Variants in LRGUK observed in about 807,000 individuals in gnomAD.
LRGUK encodes the protein leucine rich repeats and guanylate kinase domain containing, also known as leucine-rich repeat and guanylate kinase domain-containing protein.
A neutral mutation model predicts 76.0 loss-of-function variants in LRGUK; 65 were observed. That is an observed-to-expected ratio of 0.85 (90% CI 0.70 to 1.05). The LOEUF is 1.05. Ranked by LOEUF, LRGUK falls within the 50% of genes least tolerant of loss-of-function variation. LRGUK has a pLI of 0.00. For missense variants in LRGUK, 758 were observed against 732.8 expected (o/e 1.03, Z -0.40); for synonymous variants, 268 against 265.6 (o/e 1.01, Z -0.09).
intron 5 of LRGUK, among the ~76,000 whole-genome samples, chr7:134,149,975 A>G (rs1184644197): frequency 6.6e-6 from 1 of 152,182 alleles, no homozygotes; most frequent in Non-Finnish European, 1.5e-5. Context: ...TTAAAGCTTA[A>G]GAAACACTGG....
chr7:134,130,664 T>G (rs1173905022), intron 1 of LRGUK, among the ~76,000 whole-genome samples: 1 of 152,258 alleles, frequency 6.6e-6, no homozygotes, highest in African/African-American at 2.4e-5. Context: ...CTCAGTTTAT[T>G]ATTCCCAGTT....
intron 5 of LRGUK, among the ~76,000 whole-genome samples, chr7:134,155,836 A>G (rs1585453097): frequency 6.6e-6 from 1 of 152,218 alleles, no homozygotes; most frequent in Non-Finnish European, 1.5e-5. Context: ...ACAAATAATT[A>G]TGGAGGCAAA....
chr7:134,193,824 C>A (rs1800362464), intron 12 of LRGUK, among the ~76,000 whole-genome samples: 1 of 152,096 alleles, frequency 6.6e-6, no homozygotes, highest in Non-Finnish European at 1.5e-5. Context: ...GCCCGCCATC[C>A]TCCATTACAG....
downstream of LRGUK, among the ~76,000 whole-genome samples, chr7:134,211,600 C>T (rs1398914309): frequency 6.6e-6 from 1 of 152,182 alleles, no homozygotes; most frequent in East Asian, 1.9e-4. Flanking sequence ...CTTACTTTTG[C>T]TTGAAATGTA....
intron 10 of LRGUK, among the ~76,000 whole-genome samples, chr7:134,179,125 C>A (rs1799629876): frequency 6.6e-6 from 1 of 152,066 alleles, no homozygotes; most frequent in Non-Finnish European, 1.5e-5. Context: ...GGAAGCCCAG[C>A]TAGCCTAAGG....
chr7:134,241,293 G>A (rs1225260153), intron 16 of LRGUK, among the ~76,000 whole-genome samples: 1 of 152,160 alleles, frequency 6.6e-6, no homozygotes, highest in Non-Finnish European at 1.5e-5. Context: ...TCCGTGTGCT[G>A]TATTCAGGAG....
intron 15 of LRGUK, among the ~76,000 whole-genome samples, chr7:134,202,312 C>T (rs1056930512): frequency 8.6e-6 from 1 of 115,920 alleles, no homozygotes; most frequent in Admixed American, 1.1e-4. Context: ...ACTATAAAAA[C>T]AAAATTAAAA....
chr7:134,222,503 AT>A (rs1284417878), intron 16 of LRGUK, among the ~76,000 whole-genome samples: 2 of 152,174 alleles, frequency 1.3e-5, no homozygotes, highest in Admixed American at 1.3e-4. Flanking sequence ...AAGAGACTTA[AT>A]TGCAATTGCA....
rs71172442 is a variant in LRGUK at position 134,199,982 on chromosome 7, TTATATATATATATATATATATATA to T, written c.1747+585_1747+608del. Among the ~76,000 whole-genome samples, 58 of 38,414 alleles carry T rather than the reference TTATATATATATATATATATATATA, an allele frequency of 1.5e-3. 2 individuals carry two copies. Among genetic ancestry groups the T allele is most frequent in the African/African-American group, 4.2e-3 (44 of 10,392 alleles). 25.2% of individuals were successfully genotyped at this position (38,414 alleles called of 152,430 possible). A position where few individuals can be genotyped will look rare whatever the true frequency, so the allele number is the denominator to read the frequency against. On this transcript the variant is annotated intron_variant, in intron 14 of 15. Coordinates refer to ENST00000645682, the Ensembl canonical transcript of LRGUK. ...TTCTATAGATATATTCTAGAAACTT[TTATATATATATATATATATATATA>T]TATATATATATATATATATATATGT...
chr7:134,138,979 T>G (rs544950223), intron 2 of LRGUK, among the ~76,000 whole-genome samples: 1 of 147,850 alleles, frequency 6.8e-6, no homozygotes, highest in Non-Finnish European at 1.5e-5. Context: ...GAAAGAGCTT[T>G]GAAAATGAAA....
chr7:134,182,979 C>T (rs754151035), intron 10 of LRGUK, among the ~76,000 whole-genome samples: 4 of 152,186 alleles, frequency 2.6e-5, no homozygotes, highest in Non-Finnish European at 4.4e-5. Context: ...AGGCTGGTTT[C>T]GAACTCCTCA....
At chr7:134,197,232 G>A (rs1351250189) in intron 13 of LRGUK, 127 bp downstream of exon 13, 1 of 582,680 alleles carries the variant, frequency 1.7e-6, no homozygotes, top group Non-Finnish European at 3.0e-6. Flanking sequence ...TACATATATG[G>A]GGTACATGCG....
At chr7:134,221,968 TC>T in intron 16 of LRGUK, 50 bp downstream of exon 16, 1 of 1,437,204 alleles carries the variant, frequency 7.0e-7, no homozygotes, top group Non-Finnish European at 9.2e-7. Flanking sequence ...CTATACAATG[TC>T]AGACAAAGAG....
chr7:134,224,325 AGAAG>A (rs1801679260), intron 16 of LRGUK, among the ~76,000 whole-genome samples: 1 of 152,240 alleles, frequency 6.6e-6, no homozygotes, highest in Admixed American at 6.5e-5. Context: ...ACTGATAGGC[AGAAG>A]CACATGCCAT....
chr7:134,157,553 T>C (rs777158419), intron 5 of LRGUK, among the ~76,000 whole-genome samples: 1 of 152,232 alleles, frequency 6.6e-6, no homozygotes, highest in Non-Finnish European at 1.5e-5. Flanking sequence ...GACGGAGTCT[T>C]GCTCTGTCGC....
downstream of LRGUK, among the ~76,000 whole-genome samples, chr7:134,211,561 G>A (rs1801272829): frequency 6.6e-6 from 1 of 152,184 alleles, no homozygotes; most frequent in Admixed American, 6.5e-5. Context: ...AAATGCTTCA[G>A]ATTTGTCTTG....
intron 16 of LRGUK, among the ~76,000 whole-genome samples, chr7:134,247,029 C>T (rs1264177354): frequency 6.6e-6 from 1 of 152,102 alleles, no homozygotes. Context: ...CTTTTGAATG[C>T]AGAGACTATC....
chr7:134,247,573 C>T, exon 17 of LRGUK: 4 of 1,613,442 alleles, frequency 2.5e-6, no homozygotes, highest in African/African-American at 1.3e-5. Flanking sequence ...ATTCTATACA[C>T]AGACAGCACG....
intron 15 of LRGUK, among the ~76,000 whole-genome samples, chr7:134,217,446 A>G (rs768311811): frequency 6.6e-6 from 1 of 152,166 alleles, no homozygotes; most frequent in Non-Finnish European, 1.5e-5. Context: ...TAATAAATGT[A>G]TTCACTTTCC....
Sources: gnomAD v4.1 joint callset for allele counts (sites outside exome capture counted in the v4.1 genomes callset) on GRCh38, gnomAD v4.1.1 for gene constraint, MANE v1.5 for transcripts, NCBI Gene and HGNC (gene_info 2026-07-23, HGNC 2026-07-21) for gene names.